The following LRRC37A2 variants were observed in gnomAD, a reference collection of about 807,000 sequenced individuals.
LRRC37A2 encodes leucine-rich repeat-containing protein 37A2.
Under a neutral mutation model 68.8 loss-of-function variants are expected in LRRC37A2, and 9 were observed. The ratio of observed to expected loss-of-function variants is 0.13; its 90% CI spans 0.08 to 0.23. The LOEUF (loss-of-function observed/expected upper bound fraction) is 0.23. Among genes scored for constraint, LRRC37A2 ranks in the 10% least tolerant of loss-of-function variants. LRRC37A2 has a pLI of 1.00. For synonymous variants in LRRC37A2, 63 were observed against 367.6 expected (o/e 0.17, Z 9.48); for missense variants, 168 against 950.4 (o/e 0.18, Z 10.82).
chr17:46,868,242 C>T, the LRRC37A2 span, among the ~76,000 whole-genome samples: 4 of 151,398 alleles, frequency 2.6e-5, no homozygotes, highest in African/African-American at 4.8e-5. Context: ...ACCCTGGTTA[C>T]TTGTTTAACT....
At chr17:46,833,382 T>C in the LRRC37A2 span, 4 of 518,630 alleles carry the variant, frequency 7.7e-6, no homozygotes, top group Admixed American at 5.8e-5. Context: ...TCCTCTGGCA[T>C]GCCAAGGCCT....
At chr17:46,657,363 T>C in the LRRC37A2 span, among the ~76,000 whole-genome samples, 34 of 152,160 alleles carry the variant, frequency 2.2e-4, no homozygotes, top group Admixed American at 7.2e-4. Flanking sequence ...ATAAAAAATA[T>C]AATGGTTTCA....
At chr17:46,778,172 C>A in the LRRC37A2 span, among the ~76,000 whole-genome samples, 1 of 152,192 alleles carries the variant, frequency 6.6e-6, no homozygotes, top group African/African-American at 2.4e-5. Flanking sequence ...TCACCAACCT[C>A]ATTTCTCCCA....
At chr17:46,738,312 T>G in the LRRC37A2 span, among the ~76,000 whole-genome samples, 1 of 152,212 alleles carries the variant, frequency 6.6e-6, no homozygotes, top group Non-Finnish European at 1.5e-5. Context: ...AGGCTTCATA[T>G]GGCATAGTTT....
chr17:46,438,027 T>C, the LRRC37A2 span, among the ~76,000 whole-genome samples: 4 of 88,072 alleles, frequency 4.5e-5, no homozygotes, highest in Non-Finnish European at 8.1e-5. Context: ...GTTACCTGAT[T>C]ACTTTGGCTT....
chr17:46,784,131 C>T, the LRRC37A2 span, among the ~76,000 whole-genome samples: 8 of 152,216 alleles, frequency 5.3e-5, no homozygotes, highest in African/African-American at 1.7e-4. Context: ...CATCTCAGGA[C>T]AGTGGCTTCA....
the LRRC37A2 span, among the ~76,000 whole-genome samples, chr17:46,816,257 G>T: frequency 2.4e-4 from 36 of 151,500 alleles, no homozygotes; most frequent in African/African-American, 8.7e-4. Context: ...ACTTCTCTCT[G>T]TCTCTTACAC....
the LRRC37A2 span, among the ~76,000 whole-genome samples, chr17:46,914,944 C>T: frequency 1.3e-5 from 2 of 152,210 alleles, no homozygotes; most frequent in East Asian, 1.9e-4. Flanking sequence ...ATTACACACT[C>T]GTACACTGTC....
the LRRC37A2 span, among the ~76,000 whole-genome samples, chr17:46,730,075 G>A: frequency 4.6e-5 from 7 of 151,916 alleles, no homozygotes; most frequent in Non-Finnish European, 8.8e-5. Context: ...GTAAGTAAAC[G>A]TATATATCTA....
the LRRC37A2 span, among the ~76,000 whole-genome samples, chr17:47,029,653 T>C: frequency 1.3e-5 from 2 of 152,202 alleles, no homozygotes; most frequent in African/African-American, 4.8e-5. Context: ...TGTTTTTCTT[T>C]TTCCCTCACA....
At chr17:46,826,155 G>A in the LRRC37A2 span, among the ~76,000 whole-genome samples, 1 of 152,262 alleles carries the variant, frequency 6.6e-6, no homozygotes, top group African/African-American at 2.4e-5. Context: ...CCTTGGAGAT[G>A]GTGAAGAAAT....
chr17:46,950,784 G>C, the LRRC37A2 span, among the ~76,000 whole-genome samples: 11 of 152,172 alleles, frequency 7.2e-5, no homozygotes, highest in African/African-American at 2.7e-4. Flanking sequence ...TGGGGCTGAT[G>C]AGATCAAAAC....
At chr17:46,860,597 G>A in the LRRC37A2 span, among the ~76,000 whole-genome samples, 1 of 152,212 alleles carries the variant, frequency 6.6e-6, no homozygotes, top group South Asian at 2.1e-4. Context: ...TTAAATGAAT[G>A]TATATATAGG....
the LRRC37A2 span, among the ~76,000 whole-genome samples, chr17:47,005,380 G>T: frequency 5.9e-4 from 90 of 152,272 alleles, no homozygotes; most frequent in African/African-American, 2.1e-3. Context: ...TTGATTCTTG[G>T]TTCAGCTTCC....
chr17:46,884,370 C>G, the LRRC37A2 span, among the ~76,000 whole-genome samples: 1 of 152,248 alleles, frequency 6.6e-6, no homozygotes, highest in Non-Finnish European at 1.5e-5. Flanking sequence ...GGTGCCGCCC[C>G]CGCCCCACAC....
the LRRC37A2 span, chr17:46,721,994 T>C: frequency 3.1e-6 from 5 of 1,607,948 alleles, no homozygotes; most frequent in Non-Finnish European, 4.3e-6. Context: ...TATGATAGCT[T>C]TCCGACCACC....
the LRRC37A2 span, chr17:46,978,817 A>G: frequency 6.2e-7 from 1 of 1,609,370 alleles, no homozygotes; most frequent in Non-Finnish European, 8.5e-7. Context: ...CACCCGCGAC[A>G]CCCACAGGCT....
the LRRC37A2 span, chr17:46,833,590 G>A: frequency 2.7e-6 from 1 of 367,620 alleles, no homozygotes; most frequent in Non-Finnish European, 5.4e-6. Flanking sequence ...AGTGTGGTGG[G>A]CAGCCCTGCT....
the LRRC37A2 span, chr17:46,770,133 G>A: frequency 4.1e-6 from 6 of 1,451,740 alleles, no homozygotes; most frequent in African/African-American, 8.5e-5. Context: ...CAGGACGTGA[G>A]GGGAACGAGG....
Sources: allele counts gnomAD v4.1 joint callset (sites outside exome capture counted in the v4.1 genomes callset), GRCh38; gene constraint gnomAD v4.1.1; transcripts MANE v1.5; gene names NCBI Gene and HGNC (gene_info 2026-07-23, HGNC 2026-07-21).